The following HPS3 variants were observed in gnomAD, a reference collection of about 807,000 sequenced individuals.
HPS3 encodes the protein HPS3 biogenesis of lysosomal organelles complex 2 subunit 1.
A neutral mutation model predicts 110.9 loss-of-function variants in HPS3; 79 were observed. The ratio of observed to expected loss-of-function variants is 0.71; its 90% CI spans 0.59 to 0.86. The LOEUF is 0.86. Among genes scored for constraint, HPS3 ranks in the 40% least tolerant of loss-of-function variants. The pLI is 0.00. For synonymous variants in HPS3, 428 were observed against 451.0 expected (o/e 0.95, Z 0.65); for missense variants, 1,197 against 1,206.2 (o/e 0.99, Z 0.11).
Position 149,129,882 on chromosome 3 carries a change from G to T in HPS3, c.159G>T (p.Gln53His), listed in dbSNP as rs774480483. 9.4e-6 allele frequency: 15 copies of T among 1,589,222 alleles called. No individual in the cohort carries two copies. In the Admixed American group the frequency reaches 2.6e-4, roughly 27 times the overall value. The part of the protein sequence containing the change: ...AFAVAGQELC[Q>H]PRCAFSTLGR... ...CGGTGGCCGGCCAGGAGCTGTGCCA[G>T]CCGCGGTGCGCCTTCTCCACGCTGG... is the stretch of plus-strand genomic sequence containing the variant. The change falls in exon 1 of 17, where the codon CAG becomes CAT. Residue 53 changes from glutamine to histidine, a missense_variant. Gln to His is a conservative substitution (Grantham distance 24). Transcript: ENST00000296051.
chr3:149,171,152 C>T (rs1019305521), intron 16 of HPS3, among the ~76,000 whole-genome samples: 3 of 152,036 alleles, frequency 2.0e-5, no homozygotes, highest in Non-Finnish European at 4.4e-5. Flanking sequence ...GTGGTGCGCA[C>T]CTGTAGTCCC....
chr3:149,133,700 C>G (rs935698551), intron 1 of HPS3, among the ~76,000 whole-genome samples: 5 of 152,170 alleles, frequency 3.3e-5, no homozygotes, highest in African/African-American at 9.7e-5. Context: ...AGACCCTTCA[C>G]CAGTGAAAAG....
intron 4 of HPS3, 151 bp downstream of exon 4, chr3:149,141,531 G>A: frequency 2.6e-6 from 1 of 380,804 alleles, no homozygotes; most frequent in Non-Finnish European, 4.7e-6. Flanking sequence ...TTTTTTTTTT[G>A]TTTTTTTTTT....
At chr3:149,142,017 A>AT (rs1278576270) in intron 4 of HPS3, among the ~76,000 whole-genome samples, 1 of 150,528 alleles carries the variant, frequency 6.6e-6, no homozygotes, top group Non-Finnish European at 1.5e-5. Flanking sequence ...CGCCCAGCTA[A>AT]TTTTGTATTT....
intron 14 of HPS3, among the ~76,000 whole-genome samples, chr3:149,164,861 T>G (rs949992187): frequency 2.6e-5 from 4 of 152,174 alleles, no homozygotes; most frequent in Non-Finnish European, 4.4e-5. Context: ...CTCATGCATC[T>G]TCATCATTTG....
Position 149,157,388 on chromosome 3 carries a change from G to C in HPS3, c.1548G>C (p.Gln516His). 6.2e-7 allele frequency: 1 copy of C among 1,613,878 alleles called. No homozygotes were observed. The highest frequency in any genetic ancestry group is 8.5e-7 in the Non-Finnish European group (1 of 1,179,882). Reference sequence around the variant, plus strand: ...ATACCTATAAGACTGTCAAAACCCAGAGCTGCATTCACCTTCTCAGTGAGG... The same window carrying C: ...ATACCTATAAGACTGTCAAAACCCACAGCTGCATTCACCTTCTCAGTGAGG... Reference protein sequence around the residue: ...YSNTYKTVKTQSCIHLLSEAH... With the variant: ...YSNTYKTVKTHSCIHLLSEAH... The change falls in exon 9 of 17, where the codon CAG becomes CAC. Residue 516 changes from glutamine to histidine, a missense_variant. Physicochemically the swap from Gln to His is conservative, Grantham distance 24. Transcript: ENST00000296051.
chr3:149,169,992 T>A (rs1198775225), intron 16 of HPS3, among the ~76,000 whole-genome samples: 1 of 152,172 alleles, frequency 6.6e-6, no homozygotes, highest in East Asian at 1.9e-4. Context: ...GTAGAGCAAG[T>A]AATTTTAACC....
At chr3:149,163,655 G>C (rs1252542651) in intron 13 of HPS3, among the ~76,000 whole-genome samples, 187 bp from the exon 14 acceptor site, 2 of 152,122 alleles carry the variant, frequency 1.3e-5, no homozygotes, top group African/African-American at 2.4e-5. Context: ...ATTTAGTGTA[G>C]AAGCAAGCAA....
At chr3:149,166,952 G>C (rs888984373) in intron 14 of HPS3, 82 bp from the exon 15 acceptor site, 15 of 1,083,230 alleles carry the variant, frequency 1.4e-5, no homozygotes, top group Non-Finnish European at 2.0e-5. Context: ...GTGAGGTTTA[G>C]TCTTAAGAAA....
intron 16 of HPS3, among the ~76,000 whole-genome samples, chr3:149,170,798 C>T (rs1194025892): frequency 6.6e-6 from 1 of 152,106 alleles, no homozygotes; most frequent in Non-Finnish European, 1.5e-5. Context: ...GATGGGCATG[C>T]AACGATCACA....
chr3:149,140,936 T>C, intron 2 of HPS3, 81 bp from the exon 3 acceptor site: 2 of 1,270,046 alleles, frequency 1.6e-6, no homozygotes, highest in Non-Finnish European at 2.3e-6. Context: ...TAAATGAAAT[T>C]ACTATATGTC....
chr3:149,140,617 T>C (rs1050978529), intron 2 of HPS3, 119 bp downstream of exon 2: 1 of 1,100,800 alleles, frequency 9.1e-7, no homozygotes, highest in Non-Finnish European at 1.3e-6. Context: ...GATTTAGTTA[T>C]TCCTATTTCA....
chr3:149,157,330 T>C lies in HPS3; in HGVS notation c.1510-20T>C, dbSNP rs1218858297. On this transcript the variant is annotated intron_variant, in intron 8 of 16. Coordinates refer to ENST00000296051, the MANE Select transcript of HPS3 (RefSeq NM_032383.5). ...GAGAGTCTCTCTTCAGCAACATTAG[T>C]GTTTGTCTTTTTTGTTTAGGTAGAC... 3 of 1,604,946 alleles carry C rather than the reference T, an allele frequency of 1.9e-6. No individual in the cohort carries two copies. The highest frequency in any genetic ancestry group is 2.6e-6 in the Non-Finnish European group (3 of 1,172,578).
At position 149,129,723 on chromosome 3, in the gene HPS3, G is replaced by A; in HGVS notation, c.-1G>A. The A allele has an allele frequency of 6.3e-7, 1 of 1,584,802 alleles. No homozygotes were observed. Among genetic ancestry groups the A allele is most frequent in the Non-Finnish European group, 8.6e-7 (1 of 1,166,880 alleles). On this transcript the variant is annotated 5_prime_UTR_variant, in exon 1 of 17. Transcript: ENST00000296051. ...GCTGTGCCATCCCGCCGGACGTCGG[G>A]ATGGTGCAGCTGTACAACCTGCACC...
At chr3:149,153,000 T>TCA (rs1723226831) in intron 6 of HPS3, among the ~76,000 whole-genome samples, 1 of 152,222 alleles carries the variant, frequency 6.6e-6, no homozygotes, top group African/African-American at 2.4e-5. Flanking sequence ...AGCATTTCTT[T>TCA]CACACACACA....
intron 15 of HPS3, among the ~76,000 whole-genome samples, chr3:149,167,583 T>C (rs974250806): frequency 6.6e-5 from 10 of 152,228 alleles, no homozygotes; most frequent in Admixed American, 1.3e-4. Flanking sequence ...TAGTTCTTTT[T>C]TTTCTTCATT....
At chr3:149,148,638 C>T (rs1202336989) in intron 5 of HPS3, among the ~76,000 whole-genome samples, 1 of 151,892 alleles carries the variant, frequency 6.6e-6, no homozygotes, top group Non-Finnish European at 1.5e-5. Context: ...CTCCAGACCT[C>T]AGGCAATTCG....
intron 5 of HPS3, among the ~76,000 whole-genome samples, chr3:149,149,433 GT>G (rs1384449641): frequency 6.6e-6 from 1 of 152,104 alleles, no homozygotes; most frequent in Non-Finnish European, 1.5e-5. Context: ...TAGTGCTACT[GT>G]CCTAGTTATT....
rs952333745 is a variant in HPS3, at chr3:149,153,535, A to G, written c.1287A>G (p.Ile429Met). 18 of 1,614,092 alleles carry G rather than the reference A, an allele frequency of 1.1e-5. No individual in the cohort carries two copies. The highest frequency in any genetic ancestry group is 1.5e-5 in the Non-Finnish European group (18 of 1,179,934). ...PVSMDVCALR[I>M]QLFIGLKAIC... ...GTATGGATGTCTGTGCTTTAAGAAT[A>G]CAGCTTTTCATAGGCTTGAAAGCCA... The change falls in exon 7 of 17, where the codon ATA (isoleucine) becomes ATG (methionine). Residue 429 changes from isoleucine (I) to methionine (M), a missense_variant. Physicochemically the swap from Ile to Met is conservative, Grantham distance 10. Coordinates refer to ENST00000296051, the MANE Select transcript of HPS3 (RefSeq NM_032383.5).
Sources: gnomAD v4.1 joint callset for allele counts (sites outside exome capture counted in the v4.1 genomes callset) on GRCh38, gnomAD v4.1.1 for gene constraint, MANE v1.5 for transcripts, NCBI Gene and HGNC (gene_info 2026-07-23, HGNC 2026-07-21) for gene names.